The following ERC2 variants were observed in gnomAD, a reference collection of about 807,000 sequenced individuals.
The protein encoded by ERC2 is ERC protein 2.
In ERC2, 42 loss-of-function variants were observed where a neutral mutation model predicts 114.8. The observed-to-expected ratio is 0.37, with a 90% confidence interval of 0.29 to 0.47. The LOEUF (loss-of-function observed/expected upper bound fraction) is 0.47, where lower values mean the gene tolerates loss of function less well. Ranked by LOEUF, ERC2 falls within the 20% of genes least tolerant of loss-of-function variation. The probability of loss-of-function intolerance (pLI) is 0.99; values close to 1 mark genes in which losing one functional copy is unlikely to be tolerated. For synonymous variants in ERC2, 454 were observed against 425.5 expected (o/e 1.07, Z -0.82); for missense variants, 939 against 1,150.7 (o/e 0.82, Z 2.66).
At chr3:56,305,409 C>T (rs892380622) in intron 2 of ERC2, among the ~76,000 whole-genome samples, 3 of 151,602 alleles carry the variant, frequency 2.0e-5, no homozygotes, top group African/African-American at 7.3e-5. Flanking sequence ...TACGATCAGC[C>T]AATAAACATA....
chr3:55,929,919 G>A (rs778689059), intron 13 of ERC2, among the ~76,000 whole-genome samples: 3 of 152,148 alleles, frequency 2.0e-5, no homozygotes, highest in Non-Finnish European at 4.4e-5. Flanking sequence ...GGAACTGTGA[G>A]GCAATTAAAC....
At chr3:56,289,204 C>T (rs2054920462) in intron 3 of ERC2, among the ~76,000 whole-genome samples, 1 of 152,138 alleles carries the variant, frequency 6.6e-6, no homozygotes, top group South Asian at 2.1e-4. Context: ...TCTGCCTGCA[C>T]ACAGGTCTAC....
At chr3:56,434,112 C>A (rs908915443) in intron 2 of ERC2, 18 of 515,356 alleles carry the variant, frequency 3.5e-5, no homozygotes, top group African/African-American at 2.7e-4. Flanking sequence ...ATCCTCCCCA[C>A]CCCACCCCTC....
intron 2 of ERC2, among the ~76,000 whole-genome samples, chr3:56,365,852 G>A (rs987254664): frequency 1.1e-4 from 17 of 152,142 alleles, no homozygotes; most frequent in African/African-American, 4.1e-4. Context: ...TTACTTGCTG[G>A]GGAATAAATT....
chr3:56,068,169 G>C (rs960234739), intron 7 of ERC2, among the ~76,000 whole-genome samples: 5 of 152,088 alleles, frequency 3.3e-5, no homozygotes, highest in Non-Finnish European at 7.4e-5. Context: ...ATCTGCTCCT[G>C]GGCTTTTTTT....
At chr3:56,359,845 C>G (rs1415860952) in intron 2 of ERC2, among the ~76,000 whole-genome samples, 1 of 147,152 alleles carries the variant, frequency 6.8e-6, no homozygotes, top group African/African-American at 2.7e-5. Context: ...ACAACCAGCT[C>G]TCATGAAAAC....
chr3:56,141,035 C>T (rs1483146097), intron 5 of ERC2, among the ~76,000 whole-genome samples: 2 of 151,914 alleles, frequency 1.3e-5, no homozygotes, highest in Non-Finnish European at 2.9e-5. Flanking sequence ...AAAACAAAAA[C>T]AAAAAAATGT....
intron 17 of ERC2, among the ~76,000 whole-genome samples, chr3:55,651,529 GATCTT>G (rs2060621711): frequency 6.6e-6 from 1 of 152,166 alleles, no homozygotes; most frequent in Non-Finnish European, 1.5e-5. Flanking sequence ...TCAGCTGGGG[GATCTT>G]GAACTGGGTC....
chr3:56,015,145 G>T (rs942831955), intron 8 of ERC2, among the ~76,000 whole-genome samples: 1 of 151,974 alleles, frequency 6.6e-6, no homozygotes, highest in South Asian at 2.1e-4. Context: ...GTCAAATAAG[G>T]TAACTCAATG....
intron 17 of ERC2, among the ~76,000 whole-genome samples, chr3:55,550,043 T>A (rs763078638): frequency 2.0e-5 from 3 of 152,116 alleles, no homozygotes; most frequent in Non-Finnish European, 4.4e-5. Flanking sequence ...GACCATACTC[T>A]TTGACAGGAC....
chr3:56,186,868 T>C (rs1433171737), intron 3 of ERC2, among the ~76,000 whole-genome samples: 1 of 152,144 alleles, frequency 6.6e-6, no homozygotes, highest in East Asian at 1.9e-4. Context: ...TGGCACGATA[T>C]CAGGTGCTAT....
At chr3:56,242,149 G>T (rs1410690389) in intron 3 of ERC2, among the ~76,000 whole-genome samples, 1 of 152,120 alleles carries the variant, frequency 6.6e-6, no homozygotes, top group African/African-American at 2.4e-5. Context: ...GCCATAAAAC[G>T]GAACAAAATA....
chr3:56,338,102 G>T (rs1285219441), intron 2 of ERC2, among the ~76,000 whole-genome samples: 1 of 152,094 alleles, frequency 6.6e-6, no homozygotes, highest in Non-Finnish European at 1.5e-5. Context: ...GGTGGTAAAA[G>T]AATAAAGAAA....
chr3:56,178,130 C>T (rs547560467), intron 3 of ERC2, among the ~76,000 whole-genome samples: 25 of 152,206 alleles, frequency 1.6e-4, no homozygotes, highest in African/African-American at 2.9e-4. Context: ...TACTTCTTGG[C>T]GTTAATGAGA....
intron 12 of ERC2, chr3:55,955,248 T>TTGTG (rs60633794): frequency 0.088 from 31,558 of 358,688 alleles, 1,090 homozygotes; most frequent in East Asian, 0.11. Context: ...GGTGGTGTGT[T>TTGTG]TGTGTGTGTG....
rs898847095 is a variant in ERC2 at position 56,148,292 on chromosome 3, CT to C, written c.1305+684del. On this transcript the variant is annotated intron_variant, in intron 5 of 17. Transcript: ENST00000288221. ...TGCTAAAACCAAAATAGCTTAATAA[CT>C]TTTTTTTTTTGAGATGTAGTCTTGC... Among the ~76,000 whole-genome samples, 536 of 148,424 alleles carry C rather than the reference CT, an allele frequency of 3.6e-3. 4 individuals carry two copies. The highest frequency in any genetic ancestry group is 0.012 in the African/African-American group (482 of 40,732).
intron 16 of ERC2, among the ~76,000 whole-genome samples, chr3:55,686,206 A>G (rs2062324353): frequency 6.6e-6 from 1 of 152,222 alleles, no homozygotes; most frequent in Admixed American, 6.5e-5. Flanking sequence ...TCAGATCGAC[A>G]TCTTGTATGC....
chr3:56,255,680 C>T (rs148259592), intron 3 of ERC2, among the ~76,000 whole-genome samples: 8 of 152,280 alleles, frequency 5.3e-5, no homozygotes, highest in Non-Finnish European at 8.8e-5. Flanking sequence ...AATCTCTACT[C>T]AGGCACCCAT....
At chr3:56,103,904 A>T (rs2078501512) in intron 6 of ERC2, among the ~76,000 whole-genome samples, 1 of 152,174 alleles carries the variant, frequency 6.6e-6, no homozygotes, top group Non-Finnish European at 1.5e-5. Flanking sequence ...GAAGATACAG[A>T]ATAGCTGAGT....
Sources: allele counts gnomAD v4.1 joint callset (sites outside exome capture counted in the v4.1 genomes callset), GRCh38; gene constraint gnomAD v4.1.1; transcripts MANE v1.5; gene names NCBI Gene and HGNC (gene_info 2026-07-23, HGNC 2026-07-21).